GLI3: variants seen among roughly 807,000 people sequenced by gnomAD.
GLI3 encodes the protein transcription activator GLI3.
A neutral mutation model predicts 100.8 loss-of-function variants in GLI3; 20 were observed. The observed-to-expected ratio is 0.20, with a 90% CI of 0.14 to 0.29. The LOEUF is 0.29. Among genes scored for constraint, GLI3 ranks in the 10% least tolerant of loss-of-function variants. The pLI is 1.00. For missense variants in GLI3, 2,040 were observed against 2,128.5 expected (o/e 0.96, Z 0.82); for synonymous variants, 938 against 860.5 (o/e 1.09, Z -1.58).
At chr7:42,213,483 C>G (rs1652403167) in intron 2 of GLI3, among the ~76,000 whole-genome samples, 1 of 152,110 alleles carries the variant, frequency 6.6e-6, no homozygotes, top group Non-Finnish European at 1.5e-5. Flanking sequence ...TCTCCCTCAT[C>G]AGGTGATCAA....
intron 10 of GLI3, among the ~76,000 whole-genome samples, chr7:41,980,637 G>C (rs1443785279): frequency 6.6e-6 from 1 of 152,108 alleles, no homozygotes; most frequent in African/African-American, 2.4e-5. Context: ...GGCAAGCAGA[G>C]AGTGAGGGAG....
At chr7:42,231,823 GTC>G (rs1306439236) in intron 1 of GLI3, among the ~76,000 whole-genome samples, 3 of 151,542 alleles carry the variant, frequency 2.0e-5, no homozygotes, top group Non-Finnish European at 4.4e-5. Context: ...TGAGTTTTCA[GTC>G]TCTCTTTGTA....
At chr7:42,214,151 T>C (rs76550037) in intron 2 of GLI3, among the ~76,000 whole-genome samples, 3,115 of 152,268 alleles carry the variant, frequency 0.02, 111 homozygotes, top group African/African-American at 0.071. Flanking sequence ...CATCTTTCAG[T>C]CTCGTTTTAG....
At chr7:42,101,832 CA>C (rs1286030178) in intron 3 of GLI3, among the ~76,000 whole-genome samples, 7 of 105,944 alleles carry the variant, frequency 6.6e-5, no homozygotes, top group African/African-American at 2.9e-4. Context: ...GCTATCCCTC[CA>C]CCCTCTCCCA....
intron 9 of GLI3, among the ~76,000 whole-genome samples, chr7:42,024,215 A>C (rs1184486260): frequency 6.6e-6 from 1 of 152,188 alleles, no homozygotes; most frequent in African/African-American, 2.4e-5. Context: ...CCCAGGGCCC[A>C]GGGGCCACAG....
intron 7 of GLI3, 75 bp downstream of exon 7, chr7:42,039,963 A>T (rs1002482046): frequency 9.2e-7 from 1 of 1,091,290 alleles, no homozygotes; most frequent in East Asian, 2.3e-5. Flanking sequence ...GGTACTGAAA[A>T]TGCATCACTA....
chr7:42,182,686 A>ATGTG (rs1491400279), intron 2 of GLI3, among the ~76,000 whole-genome samples: 106 of 99,796 alleles, frequency 1.1e-3, no homozygotes, highest in African/African-American at 1.3e-3. Context: ...ATATATACAC[A>ATGTG]TGTGTGTATA....
At chr7:42,230,110 G>A (rs946369797) in intron 1 of GLI3, among the ~76,000 whole-genome samples, 18 of 90,522 alleles carry the variant, frequency 2.0e-4, no homozygotes, top group Non-Finnish European at 3.0e-4. Flanking sequence ...GGGGGGGGGG[G>A]GGTGGAAAGC....
intron 3 of GLI3, among the ~76,000 whole-genome samples, chr7:42,109,215 C>T (rs1483619094): frequency 6.6e-6 from 1 of 152,192 alleles, no homozygotes; most frequent in African/African-American, 2.4e-5. Flanking sequence ...TTAATCCAAC[C>T]CCTCCTACAA....
chr7:42,249,353 G>A (rs1488241744), intron 1 of GLI3, among the ~76,000 whole-genome samples: 1 of 152,108 alleles, frequency 6.6e-6, no homozygotes, highest in Non-Finnish European at 1.5e-5. Flanking sequence ...TAATTTTTAT[G>A]TGTCACAAAA....
intron 3 of GLI3, among the ~76,000 whole-genome samples, chr7:42,145,036 T>C (rs1786668587): frequency 6.6e-6 from 1 of 152,232 alleles, no homozygotes; most frequent in East Asian, 1.9e-4. Context: ...TGACCAAAAC[T>C]GTATGTCTCA....
chr7:42,226,445 T>G (rs150436872), intron 1 of GLI3, among the ~76,000 whole-genome samples: 1 of 152,264 alleles, frequency 6.6e-6, no homozygotes, highest in African/African-American at 2.4e-5. Flanking sequence ...CTCCCAATGC[T>G]CATCACCATA....
Position 42,022,911 on chromosome 7 carries a change from T to C in GLI3, c.1497+557A>G, listed in dbSNP as rs1012797982. Among the ~76,000 whole-genome samples, 5 of 152,136 alleles carry C rather than the reference T, an allele frequency of 3.3e-5. No individual in the cohort carries two copies. The South Asian group carries it at 1.0e-3, about 31-fold the overall frequency. Reference sequence around the variant, plus strand: ...CTGCAGTTTCCAAAACATCCATCACTAAATACATTTAAAAACACTTACAAC... The same window carrying C: ...CTGCAGTTTCCAAAACATCCATCACCAAATACATTTAAAAACACTTACAAC... On this transcript the variant is annotated intron_variant, in intron 10 of 14. Transcript: ENST00000395925.
chr7:42,082,884 T>C (rs1469746161), intron 3 of GLI3, among the ~76,000 whole-genome samples: 1 of 152,172 alleles, frequency 6.6e-6, no homozygotes, highest in Admixed American at 6.5e-5. Context: ...TTTTTGTAAA[T>C]AAAGTTATGT....
At position 42,153,587 on chromosome 7, in the gene GLI3, G is replaced by A. The variant is rs367615579; in HGVS notation, c.125-5119C>T. ...GGGAGGAGGCAACAAAATGTTAAGG[G>A]GGGGTGGGGGGAAAGACCGGAGGAT... On this transcript the variant is annotated intron_variant, in intron 2 of 14. Transcript: ENST00000395925. Among the ~76,000 whole-genome samples, 150 of 152,028 alleles carry A rather than the reference G, an allele frequency of 9.9e-4. No homozygotes were observed. The Middle Eastern group carries it at 0.01, about 10-fold the overall frequency.
At position 42,210,324 on chromosome 7, in the gene GLI3, A is replaced by G. The variant is rs547581318; in HGVS notation, c.124+12806T>C. Among the ~76,000 whole-genome samples, 40 of 135,242 alleles carry G rather than the reference A, an allele frequency of 3.0e-4. 2 individuals are homozygous for G. The East Asian group carries it at 8.0e-3, about 27-fold the overall frequency. The allele number at this position is 135,242 out of a possible 152,430, so 88.7% of individuals were successfully genotyped here. On this transcript the variant is annotated intron_variant, in intron 2 of 14. Coordinates refer to ENST00000395925, the MANE Select transcript of GLI3 (RefSeq NM_000168.6). ...TAAGCACATATAATCCCTCACTTCT[A>G]TTCAAAAATGAAAGCCCCCCCCCCC...
chr7:42,169,005 C>A (rs1787304998), intron 2 of GLI3, among the ~76,000 whole-genome samples: 1 of 152,166 alleles, frequency 6.6e-6, no homozygotes, highest in South Asian at 2.1e-4. Flanking sequence ...CTGAATGGGT[C>A]TGTTTCTTGA....
At chr7:42,177,975 G>A (rs1448588990) in intron 2 of GLI3, among the ~76,000 whole-genome samples, 1 of 152,230 alleles carries the variant, frequency 6.6e-6, no homozygotes, top group Non-Finnish European at 1.5e-5. Context: ...CACCAAGGAT[G>A]ATAAAATGGC....
chr7:42,074,485 T>A (rs1784840497), intron 4 of GLI3, among the ~76,000 whole-genome samples: 2 of 152,116 alleles, frequency 1.3e-5, no homozygotes, highest in African/African-American at 4.8e-5. Flanking sequence ...AGGAAAAGCA[T>A]CACAACAAAG....
Sources: gnomAD v4.1 joint callset for allele counts (sites outside exome capture counted in the v4.1 genomes callset) on GRCh38, gnomAD v4.1.1 for gene constraint, MANE v1.5 for transcripts, NCBI Gene and HGNC (gene_info 2026-07-23, HGNC 2026-07-21) for gene names.